The following PLEKHA8 variants were observed in gnomAD, a reference collection of about 807,000 sequenced individuals.
PLEKHA8 encodes pleckstrin homology domain containing A8.
PLEKHA8 carries 36 observed loss-of-function variants against 68.2 expected under a neutral mutation model. The observed-to-expected ratio is 0.53, with a 90% CI of 0.40 to 0.70. The LOEUF (loss-of-function observed/expected upper bound fraction) is 0.70. Among genes scored for constraint, PLEKHA8 ranks in the 30% least tolerant of loss-of-function variants. The pLI is 0.00. For synonymous variants in PLEKHA8, 211 were observed against 216.1 expected (o/e 0.98, Z 0.20); for missense variants, 505 against 615.4 (o/e 0.82, Z 1.90).
At chr7:30,119,767 C>T (rs890162332) in intron 13 of PLEKHA8, among the ~76,000 whole-genome samples, 2 of 152,202 alleles carry the variant, frequency 1.3e-5, no homozygotes, top group Admixed American at 6.5e-5. Flanking sequence ...GCATCAGATT[C>T]GAGAGCTTCT....
At chr7:30,044,391 G>A (rs905277301) in intron 1 of PLEKHA8, among the ~76,000 whole-genome samples, 8 of 152,194 alleles carry the variant, frequency 5.3e-5, no homozygotes, top group African/African-American at 1.9e-4. Context: ...AGAACATAGG[G>A]TGTGTGAGAG....
chr7:30,125,657 C>A (rs1304688734), intron 13 of PLEKHA8, among the ~76,000 whole-genome samples: 1 of 152,178 alleles, frequency 6.6e-6, no homozygotes, highest in Non-Finnish European at 1.5e-5. Context: ...GTTTCCTTAG[C>A]CTGGCCACAG....
At chr7:30,061,807 C>A in intron 10 of PLEKHA8, 90 bp from the exon 11 acceptor site, 2 of 1,453,292 alleles carry the variant, frequency 1.4e-6, no homozygotes, top group East Asian at 2.3e-5. Flanking sequence ...TAGAGGCCTG[C>A]TTGCCAAACT....
chr7:30,111,279 T>G (rs569024656), intron 13 of PLEKHA8, among the ~76,000 whole-genome samples: 20 of 152,316 alleles, frequency 1.3e-4, no homozygotes, highest in Non-Finnish European at 2.5e-4. Context: ...TCAAATATTT[T>G]CAAATATTTG....
intron 13 of PLEKHA8, among the ~76,000 whole-genome samples, chr7:30,110,496 A>G (rs1166429685): frequency 6.6e-6 from 1 of 152,234 alleles, no homozygotes; most frequent in Non-Finnish European, 1.5e-5. Context: ...ACCAGTCATC[A>G]TGTGGATATA....
chr7:30,032,961 A>G (rs77095806), intron 1 of PLEKHA8, among the ~76,000 whole-genome samples: 2,946 of 152,288 alleles, frequency 0.019, 48 homozygotes, highest in East Asian at 0.039. Flanking sequence ...TACTGGCCAG[A>G]TGGTTTTCAT....
At chr7:30,045,667 A>G (rs1454410624) in intron 2 of PLEKHA8, among the ~76,000 whole-genome samples, 1 of 152,198 alleles carries the variant, frequency 6.6e-6, no homozygotes, top group African/African-American at 2.4e-5. Flanking sequence ...GAAGAAAAAC[A>G]GATTAAATGG....
rs1474044426 is a variant in PLEKHA8, at chr7:30,079,531, C to T, written c.*744C>T. 3.1e-6 allele frequency: 3 copies of T among 954,326 alleles called. No individual in the cohort carries two copies. The highest frequency in any genetic ancestry group is 3.7e-6 in the Non-Finnish European group (3 of 801,852). The allele number at this position is 954,326 out of a possible 1,614,324, so 59.1% of individuals were successfully genotyped here. On this transcript the variant is annotated 3_prime_UTR_variant, in exon 14 of 14. Coordinates refer to ENST00000449726, the MANE Select transcript of PLEKHA8 (RefSeq NM_001197026.2). ...GCCTACCATTTACCAGCATGTTCCC[C>T]ATGCATTATCTCAATTGGACATCAC...
chr7:30,045,634 A>G (rs1302890759), intron 2 of PLEKHA8, among the ~76,000 whole-genome samples: 1 of 152,230 alleles, frequency 6.6e-6, no homozygotes, highest in Non-Finnish European at 1.5e-5. Context: ...TTGTCTTGAG[A>G]CATGCTGAGA....
Position 30,083,072 on chromosome 7 carries a change from T to C in PLEKHA8, c.*4285T>C, listed in dbSNP as rs1795023782. The C allele has an allele frequency of 1.0e-6, 1 of 982,168 alleles. No homozygotes were observed. The highest frequency in any genetic ancestry group is 1.7e-5 in the African/African-American group (1 of 57,148). 60.8% of individuals were successfully genotyped at this position (982,168 alleles called of 1,614,324 possible). On this transcript the variant is annotated 3_prime_UTR_variant, in exon 14 of 14. Transcript: ENST00000449726. ...AACCTTTTTTAAATTTTAAAATTTT[T>C]AGATGTAGAGTTTATAAGTAAAATA...
chr7:30,120,606 CTTAAT>C (rs1427083120), intron 13 of PLEKHA8, among the ~76,000 whole-genome samples: 1 of 152,198 alleles, frequency 6.6e-6, no homozygotes, highest in Non-Finnish European at 1.5e-5. Context: ...TCAGGCTAAA[CTTAAT>C]TTAACACAGT....
downstream of PLEKHA8, among the ~76,000 whole-genome samples, chr7:30,085,982 TC>T (rs1305932192): frequency 7.2e-5 from 11 of 152,228 alleles, no homozygotes; most frequent in Non-Finnish European, 1.5e-4. Context: ...AGGCCCTTGT[TC>T]CTTGCCCTGA....
chr7:30,089,024 G>C (rs1483364714), downstream of PLEKHA8, among the ~76,000 whole-genome samples: 1 of 152,058 alleles, frequency 6.6e-6, no homozygotes, highest in Non-Finnish European at 1.5e-5. Context: ...CATTCCAAAG[G>C]CTGTGTCCCC....
intron 12 of PLEKHA8, among the ~76,000 whole-genome samples, chr7:30,072,654 T>C (rs1462126741): frequency 1.3e-5 from 2 of 152,266 alleles, no homozygotes. Context: ...TTATCTGTTA[T>C]TTTAACATCT....
intron 13 of PLEKHA8, among the ~76,000 whole-genome samples, chr7:30,078,174 T>A (rs1380254695): frequency 6.6e-6 from 1 of 151,112 alleles, no homozygotes; most frequent in Non-Finnish European, 1.5e-5. Flanking sequence ...AGAGATGAGA[T>A]ACAAATAAGA....
chr7:30,061,909 A>C lies in PLEKHA8; in HGVS notation c.1111A>C (p.Lys371Gln). The change falls in exon 11 of 14, where the codon AAG becomes CAG. Residue 371 changes from lysine to glutamine, a missense_variant. Coordinates refer to ENST00000449726, the MANE Select transcript of PLEKHA8 (RefSeq NM_001197026.2). The stretch of plus-strand genomic sequence containing the variant: ...GCTTTCCCTCCAGAAAGTAAATCAG[A>C]AGTATATAACCAACAAAGAAGAGTT... ...LVGNIKKVNQKYITNKEEFTT... is the reference protein window; with the variant it reads ...LVGNIKKVNQQYITNKEEFTT... The C allele has an allele frequency of 6.2e-7, 1 of 1,614,010 alleles. No homozygotes were observed. Among genetic ancestry groups the C allele is most frequent in the Non-Finnish European group, 8.5e-7 (1 of 1,179,994 alleles).
downstream of PLEKHA8, among the ~76,000 whole-genome samples, chr7:30,092,470 A>G (rs1795455214): frequency 6.6e-6 from 1 of 152,034 alleles, no homozygotes; most frequent in Non-Finnish European, 1.5e-5. Context: ...TGAATGTGGC[A>G]CTACCATTTC....
intron 12 of PLEKHA8, among the ~76,000 whole-genome samples, chr7:30,069,334 T>G (rs1794081744): frequency 6.6e-6 from 1 of 152,246 alleles, no homozygotes; most frequent in Admixed American, 6.5e-5. Context: ...TTCCGCCCTT[T>G]CTGGCTTTGG....
rs1191116944 is a variant in PLEKHA8 at position 30,080,724 on chromosome 7, G to A, written c.*1937G>A. The A allele has an allele frequency of 1.0e-6, 1 of 985,076 alleles. No homozygotes were observed. Among genetic ancestry groups the A allele is most frequent in the African/African-American group, 1.7e-5 (1 of 57,190 alleles). 61.0% of individuals were successfully genotyped at this position (985,076 alleles called of 1,614,324 possible). On this transcript the variant is annotated 3_prime_UTR_variant, in exon 14 of 14. Coordinates refer to ENST00000449726, the MANE Select transcript of PLEKHA8 (RefSeq NM_001197026.2). ...TTGTATTTTGCCAAGGTGTGTGTGT[G>A]TTATTTCCCTCCCACTCTCATGAGC...
Sources: gnomAD v4.1 joint callset for allele counts (sites outside exome capture counted in the v4.1 genomes callset) on GRCh38, gnomAD v4.1.1 for gene constraint, MANE v1.5 for transcripts, NCBI Gene and HGNC (gene_info 2026-07-23, HGNC 2026-07-21) for gene names.